Variants in TMEM150B observed in about 807,000 individuals in gnomAD.
TMEM150B encodes the protein modulator of macroautophagy TMEM150B.
Under a neutral mutation model 25.2 loss-of-function variants are expected in TMEM150B, and 33 were observed. The ratio of observed to expected loss-of-function variants is 1.31; its 90% CI spans 0.99 to 1.75. TMEM150B has a LOEUF of 1.75. TMEM150B is among the 40% of genes most tolerant of loss of function. TMEM150B has a pLI of 0.00. For missense variants in TMEM150B, 322 were observed against 306.1 expected, an observed-to-expected ratio of 1.05 and a Z score of -0.39; for synonymous variants, 133 against 134.8, an observed-to-expected ratio of 0.99 and a Z score of 0.09.
At chr19:55,318,078 G>A (rs1203972537) in intron 6 of TMEM150B, among the ~76,000 whole-genome samples, 2 of 151,906 alleles carry the variant, frequency 1.3e-5, no homozygotes, top group African/African-American at 2.4e-5. Context: ...AATAGGTTGA[G>A]GGCTGGGCAC....
In TMEM150B at chr19:55,312,869, A is replaced by C; in HGVS notation, c.692T>G (p.Val231Gly). 1 of 1,589,996 alleles carries C rather than the reference A, an allele frequency of 6.3e-7. No homozygotes were observed. Among genetic ancestry groups the C allele is most frequent in the Non-Finnish European group, 8.6e-7 (1 of 1,169,504 alleles). Reference sequence around the variant, plus strand: ...GGGTCAGGGTGCCTGCTACAGCTGGACCGGCAGGGAGATGGGGGAGGCCGG... The same window carrying C: ...GGGTCAGGGTGCCTGCTACAGCTGGCCCGGCAGGGAGATGGGGGAGGCCGG... ...PPPASPISLP[V>G]QL The change falls in exon 8 of 8, where the codon GTC becomes GGC. Residue 231 changes from valine to glycine, a missense_variant. Physicochemically the swap from Val to Gly is moderately radical, Grantham distance 109. Transcript: ENST00000326652.
rs376148592 is a variant in TMEM150B at position 55,320,503 on chromosome 19, C to T, written c.129-45G>A. The T allele has an allele frequency of 3.6e-5, 58 of 1,611,308 alleles. No individual in the cohort carries two copies. The African/African-American group carries it at 6.5e-4, about 18-fold the overall frequency. ...CATCCTGGGCAATCCAAGCTAGGGC[C>T]TCCACTTTCCTGCAGCGGCGATCCC... On this transcript the variant is annotated intron_variant, in intron 4 of 7. Transcript: ENST00000326652.
chr19:55,312,140 A>C, downstream of TMEM150B: 1 of 668,496 alleles, frequency 1.5e-6, no homozygotes. Flanking sequence ...GAATCTGTAA[A>C]TAAGGCCCAA....
intron 7 of TMEM150B, among the ~76,000 whole-genome samples, chr19:55,315,880 A>C (rs562426757): frequency 3.4e-4 from 51 of 152,216 alleles, no homozygotes; most frequent in Non-Finnish European, 6.2e-4. Context: ...CAGTGAGCTG[A>C]GATCACGCCA....
downstream of TMEM150B, among the ~76,000 whole-genome samples, chr19:55,310,833 C>T (rs144223325): frequency 3.5e-3 from 540 of 152,258 alleles, 3 homozygotes; most frequent in African/African-American, 0.012. This position sits in a 1 kb window ranked among gnomAD's most constrained non-coding sequence, Gnocchi z 5.0. Flanking sequence ...GGTCTCAAAA[C>T]GGGCACACCC....
chr19:55,313,143 G>A (rs1480473804), intron 7 of TMEM150B, 88 bp from the exon 8 acceptor site: 2 of 1,343,044 alleles, frequency 1.5e-6, no homozygotes, highest in African/African-American at 1.5e-5. Context: ...GGCGGAGGCC[G>A]TCTCTGGGTG....
chr19:55,312,533 C>CAAAAAAAA (rs372052269), downstream of TMEM150B: 7 of 25,732 alleles, frequency 2.7e-4, no homozygotes, highest in Admixed American at 6.9e-4. Flanking sequence ...CCGCCGGCGG[C>CAAAAAAAA]AAAAAAAAAA....
downstream of TMEM150B, chr19:55,311,987 C>T: frequency 6.3e-7 from 1 of 1,576,202 alleles, no homozygotes; most frequent in African/African-American, 1.4e-5. Context: ...GCCGCCCAGA[C>T]CCAGAGCTGA....
In TMEM150B at chr19:55,316,969, GGGA is replaced by G. The variant is rs769363131; in HGVS notation, c.325-6_325-4del. ...TGCGTAGGCCGCTGGTTCTTTTCCTGGGAGGAGAAGGGAGAAGTTGGGAGGGAG... is the reference window on the plus strand; with the variant it reads ...TGCGTAGGCCGCTGGTTCTTTTCCTGGGAGAAGGGAGAAGTTGGGAGGGAG... On this transcript the variant is annotated splice_region_variant and splice_polypyrimidine_tract_variant and intron_variant, in intron 6 of 7. Transcript: ENST00000326652. 28 of 1,593,786 alleles carry G rather than the reference GGGA, an allele frequency of 1.8e-5. No homozygotes were observed. The highest frequency in any genetic ancestry group is 2.4e-5 in the Non-Finnish European group (28 of 1,173,080).
At chr19:55,325,025 G>A (rs1197892776) in intron 1 of TMEM150B, among the ~76,000 whole-genome samples, 3 of 152,182 alleles carry the variant, frequency 2.0e-5, no homozygotes, top group African/African-American at 7.2e-5. Flanking sequence ...TTGCCACCTG[G>A]CTGATTCCCA....
intron 7 of TMEM150B, 151 bp downstream of exon 7, chr19:55,316,635 G>C: frequency 3.6e-6 from 3 of 822,368 alleles, no homozygotes; most frequent in Non-Finnish European, 5.1e-6. Flanking sequence ...TGACCCCGAA[G>C]TCGGCATTCT....
chr19:55,313,754 G>A (rs991496312), intron 7 of TMEM150B, among the ~76,000 whole-genome samples: 3 of 152,086 alleles, frequency 2.0e-5, no homozygotes, highest in South Asian at 2.1e-4. Context: ...TCTGGTTCTC[G>A]CACCCTGCTA....
chr19:55,313,610 C>T (rs1226795789), intron 7 of TMEM150B, among the ~76,000 whole-genome samples: 4 of 152,264 alleles, frequency 2.6e-5, no homozygotes, highest in East Asian at 3.9e-4. Flanking sequence ...CCCCAGCAGA[C>T]ACTCCCCCGG....
At chr19:55,313,171 C>A in intron 7 of TMEM150B, 116 bp from the exon 8 acceptor site, 1 of 1,076,306 alleles carries the variant, frequency 9.3e-7, no homozygotes, top group Admixed American at 2.5e-5. Context: ...CCTCAGCTCT[C>A]CCCTTCCCCC....
chr19:55,316,410 A>G (rs1396752889), intron 7 of TMEM150B, among the ~76,000 whole-genome samples: 4 of 152,066 alleles, frequency 2.6e-5, no homozygotes, highest in Non-Finnish European at 5.9e-5. Context: ...TTCTTAGTAT[A>G]TCATTCTTCC....
At chr19:55,313,987 G>A (rs879436905) in intron 7 of TMEM150B, among the ~76,000 whole-genome samples, 21 of 152,178 alleles carry the variant, frequency 1.4e-4, no homozygotes, top group Non-Finnish European at 5.9e-5. Flanking sequence ...ATTGCCTGAG[G>A]CTAGGAGTTC....
intron 7 of TMEM150B, among the ~76,000 whole-genome samples, chr19:55,316,197 C>T (rs2088990955): frequency 6.6e-6 from 1 of 152,174 alleles, no homozygotes; most frequent in South Asian, 2.1e-4. Context: ...TTTCAAGCTA[C>T]TCACATGATA....
downstream of TMEM150B, among the ~76,000 whole-genome samples, chr19:55,310,588 C>T (rs1043884816): frequency 6.6e-6 from 1 of 150,526 alleles, no homozygotes; most frequent in Non-Finnish European, 1.5e-5. This position sits in a 1 kb window ranked among gnomAD's most constrained non-coding sequence, Gnocchi z 5.0. Flanking sequence ...AGACATTTTT[C>T]CTCCCCTCAA....
At chr19:55,321,303 G>A (rs2089201484) in intron 2 of TMEM150B, among the ~76,000 whole-genome samples, 1 of 151,192 alleles carries the variant, frequency 6.6e-6, no homozygotes, top group Middle Eastern at 3.4e-3. Context: ...TGTCCTCCCA[G>A]CCCCTCCTTG....
Sources: gnomAD v4.1 joint callset for allele counts (sites outside exome capture counted in the v4.1 genomes callset) on GRCh38, gnomAD v4.1.1 for gene constraint, Gnocchi (gnomAD v3.1) non-coding constraint, MANE v1.5 for transcripts, NCBI Gene and HGNC (gene_info 2026-07-23, HGNC 2026-07-21) for gene names.